VCL: variants seen among roughly 807,000 people sequenced by gnomAD.
VCL encodes epididymis luminal protein 114.
Under a neutral mutation model 125.7 loss-of-function variants are expected in VCL, and 47 were observed. That is an observed-to-expected ratio of 0.37 (90% CI 0.30 to 0.48). The LOEUF is 0.48. Among genes scored for constraint, VCL ranks in the 20% least tolerant of loss-of-function variants. VCL has a pLI of 0.99. For missense variants in VCL, 1,069 were observed against 1,455.5 expected (o/e 0.73, Z 4.32); for synonymous variants, 458 against 514.6 (o/e 0.89, Z 1.49).
Position 74,090,044 on chromosome 10 carries a change from G to T in VCL, c.1198G>T (p.Gly400Cys), listed in dbSNP as rs201361282. 23 of 1,613,874 alleles carry T rather than the reference G, an allele frequency of 1.4e-5. No homozygotes were observed. In the South Asian group the frequency reaches 2.3e-4, roughly 16 times the overall value. The change falls in exon 10 of 22, where the codon GGT becomes TGT. Residue 400 changes from glycine to cysteine, a missense_variant. Around this residue, in one of 6 missense-constraint regions of VCL, gnomAD observed 760 missense variants for 928.9 expected, o/e 0.82. Transcript: ENST00000211998. ...GTAGAACTGGCTTGCAGATCCAAATGGTGGACCGGAAGGAGAAGAGCAGAT... is the reference window on the plus strand; with the variant it reads ...GTAGAACTGGCTTGCAGATCCAAATTGTGGACCGGAAGGAGAAGAGCAGAT... ...AAQNWLADPN[G>C]GPEGEEQIRG...
Position 74,118,191 on chromosome 10 carries a change from G to C in VCL, c.*22G>C. On this transcript the variant is annotated 3_prime_UTR_variant, in exon 22 of 22. Coordinates refer to ENST00000211998, the MANE Select transcript of VCL (RefSeq NM_014000.3). ...GTAGGCACCTGGCTGAGCCTGGCTG[G>C]CACAGAAACCTCTACTAAAAAGAAG... is the stretch of plus-strand genomic sequence containing the variant. 1 of 1,613,930 alleles carries C rather than the reference G, an allele frequency of 6.2e-7. No homozygotes were observed. Among genetic ancestry groups the C allele is most frequent in the East Asian group, 2.2e-5 (1 of 44,872 alleles).
In VCL at chr10:74,095,355, C is replaced by T. The variant is rs943982147; in HGVS notation, c.1544-301C>T. ...CCTGTAATCCCAGCACTTTGGGAGG[C>T]CGAGGTGGGTGGATCGCCTGAACTC... On this transcript the variant is annotated intron_variant, in intron 11 of 21. Coordinates refer to ENST00000211998, the MANE Select transcript of VCL (RefSeq NM_014000.3). Among the ~76,000 whole-genome samples, 3 of 152,006 alleles carry T rather than the reference C, an allele frequency of 2.0e-5. 1 individual carries two copies. Among genetic ancestry groups the T allele is most frequent in the South Asian group, 4.2e-4 (2 of 4,818 alleles).
intron 1 of VCL, among the ~76,000 whole-genome samples, chr10:74,009,371 A>G (rs1271203004): frequency 1.3e-5 from 2 of 150,630 alleles, no homozygotes; most frequent in African/African-American, 4.9e-5. Flanking sequence ...CCATTCTCCC[A>G]CCTCAGCCTC....
intron 10 of VCL, among the ~76,000 whole-genome samples, chr10:74,092,088 T>C (rs1002068342): frequency 6.6e-6 from 1 of 151,968 alleles, no homozygotes; most frequent in Admixed American, 6.6e-5. Flanking sequence ...TTTTGTATTT[T>C]TAGTAGAGAT....
intron 1 of VCL, among the ~76,000 whole-genome samples, chr10:74,037,911 G>GT (rs1331688988): frequency 8.5e-5 from 13 of 152,212 alleles, no homozygotes; most frequent in Non-Finnish European, 1.9e-4. Context: ...GCCACTAGCC[G>GT]TAGGTGGCAA....
At chr10:74,105,412 G>A (rs1468491863) in intron 16 of VCL, 59 bp downstream of exon 16, 21 of 1,604,244 alleles carry the variant, frequency 1.3e-5, no homozygotes, top group South Asian at 5.5e-5. Flanking sequence ...AGGAAAGGTC[G>A]TGAGGGAATA....
chr10:74,050,996 A>G (rs1351284883), intron 2 of VCL, among the ~76,000 whole-genome samples: 4 of 130,120 alleles, frequency 3.1e-5, no homozygotes, highest in African/African-American at 1.2e-4. Flanking sequence ...CTGGAGTGCA[A>G]TGGCACCATC....
In VCL at chr10:74,114,378, C is replaced by A. The variant is rs2131939961; in HGVS notation, c.3144C>A (p.Asn1048Lys). 5 of 1,612,538 alleles carry A rather than the reference C, an allele frequency of 3.1e-6. No homozygotes were observed. The highest frequency in any genetic ancestry group is 4.2e-6 in the Non-Finnish European group (5 of 1,179,754). Residue 1048 changes from asparagine to lysine, a missense_variant, in exon 20 of 22, where the codon AAC (asparagine) becomes AAA (lysine). Asn to Lys is a moderately conservative substitution (Grantham distance 94). Around this residue, in one of 6 missense-constraint regions of VCL, gnomAD observed 91 missense variants for 203.9 expected, o/e 0.45. Transcript: ENST00000211998. Reference protein sequence around the residue: ...KQCTDKRIRTNLLQVCERIPT... With the variant: ...KQCTDKRIRTKLLQVCERIPT... ...GCACAGATAAACGGATTAGAACCAA[C>A]CTCTTACAGGTACTCGGGGAAAGAG...
At chr10:74,062,530 A>G (rs1841498267) in intron 2 of VCL, among the ~76,000 whole-genome samples, 1 of 151,990 alleles carries the variant, frequency 6.6e-6, no homozygotes, top group Non-Finnish European at 1.5e-5. Flanking sequence ...CATGTGGAGT[A>G]CAGTTATGAC....
intron 7 of VCL, 83 bp from the exon 8 acceptor site, chr10:74,083,283 G>T: frequency 4.5e-6 from 7 of 1,560,496 alleles, no homozygotes; most frequent in Non-Finnish European, 6.1e-6. Context: ...TCCATTCCTT[G>T]GTGAATGAAA....
intron 10 of VCL, among the ~76,000 whole-genome samples, chr10:74,093,669 C>G (rs564745554): frequency 2.5e-4 from 38 of 151,952 alleles, no homozygotes; most frequent in African/African-American, 9.2e-4. Flanking sequence ...TGTGGTGGTG[C>G]ATACCTATAG....
At chr10:74,050,766 A>G (rs757422904) in intron 2 of VCL, among the ~76,000 whole-genome samples, 1 of 151,950 alleles carries the variant, frequency 6.6e-6, no homozygotes, top group Non-Finnish European at 1.5e-5. Context: ...TTCCACTGCT[A>G]CAGTATTAGA....
intron 12 of VCL, among the ~76,000 whole-genome samples, chr10:74,096,401 A>G (rs1227975080): frequency 6.6e-6 from 1 of 152,098 alleles, no homozygotes; most frequent in Non-Finnish European, 1.5e-5. Flanking sequence ...TAATCCTGAA[A>G]TCTTGGGTTT....
At chr10:74,064,347 CTCCCGTTTTGA>C (rs1343500329) in intron 2 of VCL, among the ~76,000 whole-genome samples, 1 of 152,132 alleles carries the variant, frequency 6.6e-6, no homozygotes, top group Non-Finnish European at 1.5e-5. Flanking sequence ...CTGGAACCAG[CTCCCGTTTTGA>C]AGCTATCTAG....
intron 1 of VCL, among the ~76,000 whole-genome samples, chr10:74,024,431 T>A (rs1393544386): frequency 6.6e-6 from 1 of 152,048 alleles, no homozygotes; most frequent in Non-Finnish European, 1.5e-5. Context: ...GCCAACGTGG[T>A]GAAACCCTGT....
chr10:74,120,496 T>C (rs10824075), downstream of VCL: 25,110 of 152,168 alleles, frequency 0.17, 2,371 homozygotes, highest in African/African-American at 0.26. Context: ...GCTAAAGTTG[T>C]TAAGTTTGTA....
chr10:74,087,968 A>T (rs540303658), intron 8 of VCL, among the ~76,000 whole-genome samples: 102 of 152,296 alleles, frequency 6.7e-4, no homozygotes, highest in Admixed American at 3.4e-3. Context: ...GCGCCACTTC[A>T]TTCCAGCCTG....
At chr10:74,033,641 G>T (rs1316528222) in intron 1 of VCL, among the ~76,000 whole-genome samples, 1 of 152,090 alleles carries the variant, frequency 6.6e-6, no homozygotes, top group Non-Finnish European at 1.5e-5. Flanking sequence ...GGTGGTGTTG[G>T]GTCGTGATTT....
At chr10:74,095,583 A>G in intron 11 of VCL, 73 bp from the exon 12 acceptor site, 2 of 1,595,876 alleles carry the variant, frequency 1.3e-6, no homozygotes, top group Non-Finnish European at 1.7e-6. Flanking sequence ...AAGACGCCAC[A>G]TCGCACCACA....
Sources: gnomAD v4.1 joint callset for allele counts (sites outside exome capture counted in the v4.1 genomes callset) on GRCh38, gnomAD v4.1.1 for gene constraint, gnomAD v4.1.1 regional missense constraint, MANE v1.5 for transcripts, NCBI Gene and HGNC (gene_info 2026-07-23, HGNC 2026-07-21) for gene names.